Variants in PRDM16 observed in about 807,000 individuals in gnomAD.
PRDM16 encodes PR/SET domain 16.
In PRDM16, 23 loss-of-function variants were observed where a neutral mutation model predicts 110.6. The ratio of observed to expected loss-of-function variants is 0.21; its 90% confidence interval spans 0.15 to 0.29. The LOEUF is 0.29. PRDM16 is among the 10% of genes least tolerant of loss of function. The pLI, the probability that PRDM16 is intolerant of heterozygous loss-of-function variation, is 1.00. For synonymous variants in PRDM16, 799 were observed against 781.8 expected (o/e 1.02, Z -0.37); for missense variants, 1,615 against 1,794.3 (o/e 0.90, Z 1.81).
chr1:3,351,225 C>T (rs934346434), intron 3 of PRDM16, among the ~76,000 whole-genome samples: 1 of 152,178 alleles, frequency 6.6e-6, no homozygotes, highest in African/African-American at 2.4e-5. Flanking sequence ...CCACCAGGCA[C>T]TTGGGTGGCC....
chr1:3,238,722 C>T (rs1162267510), intron 2 of PRDM16, among the ~76,000 whole-genome samples: 1 of 152,126 alleles, frequency 6.6e-6, no homozygotes, highest in East Asian at 1.9e-4. Flanking sequence ...TGGAGAGAGT[C>T]CTGGCCGGGG....
intron 3 of PRDM16, among the ~76,000 whole-genome samples, chr1:3,337,146 T>A (rs1225362847): frequency 6.6e-6 from 1 of 151,664 alleles, no homozygotes; most frequent in Non-Finnish European, 1.5e-5. Context: ...CACATATGTG[T>A]TGGTGTGAAT....
intron 2 of PRDM16, among the ~76,000 whole-genome samples, chr1:3,224,774 G>A (rs546720478): frequency 9.7e-4 from 148 of 152,368 alleles, no homozygotes; most frequent in Non-Finnish European, 1.7e-3. Flanking sequence ...GAAGCCAGGC[G>A]GGAGGATGCC....
At chr1:3,380,813 A>C (rs1443075979) in intron 3 of PRDM16, among the ~76,000 whole-genome samples, 1 of 152,180 alleles carries the variant, frequency 6.6e-6, no homozygotes, top group African/African-American at 2.4e-5. Flanking sequence ...CCAAGAAACA[A>C]TTCCCAGTGA....
intron 3 of PRDM16, among the ~76,000 whole-genome samples, chr1:3,274,918 G>A (rs1045602950): frequency 1.3e-5 from 2 of 152,322 alleles, no homozygotes; most frequent in Non-Finnish European, 2.9e-5. Context: ...TGCTCAAGGC[G>A]TTCTTGCTCT....
intron 1 of PRDM16, among the ~76,000 whole-genome samples, chr1:3,076,230 G>A (rs1350672656): frequency 1.3e-5 from 2 of 152,190 alleles, no homozygotes; most frequent in African/African-American, 4.8e-5. Context: ...CCAGGTGTGC[G>A]TGTGTGTTGC....
At position 3,246,290 on chromosome 1, in the gene PRDM16, C is replaced by A. The variant is rs1170848860; in HGVS notation, c.438+2153C>A. Reference sequence around the variant, plus strand: ...ATGCTGTCCAGCCAGGGGCCTACTTCCAAGTGCCCAGGGCAGCAGGCATCC... The same window carrying A: ...ATGCTGTCCAGCCAGGGGCCTACTTACAAGTGCCCAGGGCAGCAGGCATCC... On this transcript the variant is annotated intron_variant, in intron 3 of 16. Transcript: ENST00000270722. This position sits in a 1 kb window ranked among gnomAD's most constrained non-coding sequence, Gnocchi z 5.2. Among the ~76,000 whole-genome samples the A allele has an allele frequency of 3.9e-5, 6 of 152,224 alleles. No homozygotes were observed. The highest frequency in any genetic ancestry group is 7.3e-5 in the Non-Finnish European group (5 of 68,034).
rs368543415 is a variant in PRDM16 at position 3,411,714 on chromosome 1, C to T, written c.1517C>T (p.Thr506Met). 74 of 1,610,208 alleles carry T rather than the reference C, an allele frequency of 4.6e-5. 1 individual carries two copies. The highest frequency in any genetic ancestry group is 3.3e-5 in the Admixed American group (2 of 59,826). ...GSLPFSTAPP[T>M]FPALTPGFPG... ...CTGCCCTTCTCCACGGCGCCTCCCA[C>T]GTTCCCCGCACTCACCCCCGGCTTC... The change falls in exon 9 of 17, where the codon ACG (threonine) becomes ATG (methionine). Residue 506 changes from threonine to methionine, a missense_variant. Thr to Met is a moderately conservative substitution (Grantham distance 81). This residue lies in a region of PRDM16 where 772 missense variants were observed against 748.3 expected (regional missense o/e 1.03). Coordinates refer to ENST00000270722, the MANE Select transcript of PRDM16 (RefSeq NM_022114.4).
At chr1:3,375,042 C>G (rs1313331961) in intron 3 of PRDM16, among the ~76,000 whole-genome samples, 1 of 152,242 alleles carries the variant, frequency 6.6e-6, no homozygotes, top group Non-Finnish European at 1.5e-5. Context: ...CCCACCCCGC[C>G]TGCATGTAGC....
In PRDM16 at chr1:3,434,375, A is replaced by AAG. The variant is rs1638852649; in HGVS notation, c.*565_*566insGA. ...TAAAAGTAATTTTGCATTGCTTTGA[A>AAG]ATTTGAGCTCATTTGCAAACCCGAG... On this transcript the variant is annotated 3_prime_UTR_variant, in exon 17 of 17. Coordinates refer to ENST00000270722, the MANE Select transcript of PRDM16 (RefSeq NM_022114.4). 1.3e-5 allele frequency: 3 copies of AAG among 232,260 alleles called. No homozygotes were observed. Among genetic ancestry groups the AAG allele is most frequent in the Middle Eastern group, 1.3e-3 (1 of 794 alleles). The allele number at this position is 232,260 out of a possible 1,614,324, so 14.4% of individuals were successfully genotyped here.
At chr1:3,101,461 G>A (rs900784789) in intron 1 of PRDM16, among the ~76,000 whole-genome samples, 10 of 152,222 alleles carry the variant, frequency 6.6e-5, no homozygotes, top group Non-Finnish European at 1.0e-4. Context: ...CACCACCAGC[G>A]TGAGCGGACG....
At chr1:3,229,325 G>A (rs1003292244) in intron 2 of PRDM16, among the ~76,000 whole-genome samples, 13 of 152,178 alleles carry the variant, frequency 8.5e-5, no homozygotes, top group Admixed American at 3.3e-4. Context: ...CTGTGAGATC[G>A]GGCAAGAGGT....
At chr1:3,384,672 C>G (rs1430700987) in intron 3 of PRDM16, among the ~76,000 whole-genome samples, 1 of 152,258 alleles carries the variant, frequency 6.6e-6, no homozygotes, top group African/African-American at 2.4e-5. Context: ...TTTTCTTGCT[C>G]TCAGAGTGAT....
In PRDM16 at chr1:3,353,683, G is replaced by A. The variant is rs1378824436; in HGVS notation, c.439-31469G>A. ...CCCACAGGCTTTGCAGAGAGAACAG[G>A]ACAATCCTAGCTCAGGCTGGTGGAG... On this transcript the variant is annotated intron_variant, in intron 3 of 16. Coordinates refer to ENST00000270722, the MANE Select transcript of PRDM16 (RefSeq NM_022114.4). The surrounding 1 kb of genome is among the most constrained non-coding windows in gnomAD (Gnocchi z 5.4). Among the ~76,000 whole-genome samples, 3 of 152,236 alleles carry A rather than the reference G, an allele frequency of 2.0e-5. No homozygotes were observed. In the East Asian group the frequency reaches 5.8e-4, roughly 29 times the overall value.
intron 1 of PRDM16, among the ~76,000 whole-genome samples, chr1:3,178,295 C>T (rs553946497): frequency 1.2e-4 from 18 of 152,296 alleles, no homozygotes; most frequent in East Asian, 9.7e-4. Flanking sequence ...AGGGGCGTCT[C>T]GAACACAGTC....
At chr1:3,355,934 C>G in intron 3 of PRDM16, among the ~76,000 whole-genome samples, 1 of 152,056 alleles carries the variant, frequency 6.6e-6, no homozygotes, top group Non-Finnish European at 1.5e-5. Context: ...GCCGTAAGAT[C>G]TGAGGTGAAT....
At chr1:3,315,243 C>T (rs1641574819) in intron 3 of PRDM16, among the ~76,000 whole-genome samples, 1 of 142,918 alleles carries the variant, frequency 7.0e-6, no homozygotes, top group Non-Finnish European at 1.5e-5. Flanking sequence ...TGAACGTCTA[C>T]AGCGCAACTC....
chr1:3,429,340 A>G (rs1157304185), intron 14 of PRDM16, among the ~76,000 whole-genome samples: 8 of 152,246 alleles, frequency 5.3e-5, no homozygotes, highest in African/African-American at 9.6e-5. Context: ...CCGCTCCCCA[A>G]CACTAAAAAG....
intron 3 of PRDM16, among the ~76,000 whole-genome samples, chr1:3,291,529 G>A (rs1012928854): frequency 2.0e-5 from 3 of 152,222 alleles, no homozygotes; most frequent in Non-Finnish European, 2.9e-5. Flanking sequence ...AGCTCCAGGG[G>A]CCCACAGGCC....
Sources: gnomAD v4.1 joint callset for allele counts (sites outside exome capture counted in the v4.1 genomes callset) on GRCh38, gnomAD v4.1.1 for gene constraint, gnomAD v4.1.1 regional missense constraint, Gnocchi (gnomAD v3.1) non-coding constraint, MANE v1.5 for transcripts, NCBI Gene and HGNC (gene_info 2026-07-23, HGNC 2026-07-21) for gene names.